IQSEC1: variants seen among roughly 807,000 people sequenced by gnomAD.
The protein encoded by IQSEC1 is IQ motif and Sec7 domain ArfGEF 1, also known as IQ motif and SEC7 domain-containing protein 1.
Under a neutral mutation model 91.0 loss-of-function variants are expected in IQSEC1, and 31 were observed. The observed-to-expected ratio is 0.34, with a 90% CI of 0.26 to 0.46. The LOEUF (loss-of-function observed/expected upper bound fraction) is 0.46, where lower values mean the gene tolerates loss of function less well. IQSEC1 is among the 20% of genes least tolerant of loss of function. IQSEC1 has a pLI of 1.00. For synonymous variants in IQSEC1, 699 were observed against 662.6 expected, an observed-to-expected ratio of 1.05 and a Z score of -0.84; for missense variants, 1,388 against 1,575.6, an observed-to-expected ratio of 0.88 and a Z score of 2.02.
chr3:12,908,000 C>G (rs529944024), intron 12 of IQSEC1, among the ~76,000 whole-genome samples: 2 of 152,316 alleles, frequency 1.3e-5, no homozygotes, highest in South Asian at 4.1e-4. Context: ...CGCGGCCGCA[C>G]AGAGAGCACG....
At chr3:12,956,251 T>C (rs1434753386) in intron 1 of IQSEC1, among the ~76,000 whole-genome samples, 1 of 152,158 alleles carries the variant, frequency 6.6e-6, no homozygotes, top group Non-Finnish European at 1.5e-5. Context: ...TGTTTGCCTA[T>C]GATGCTTACA....
At chr3:13,038,631 G>A (rs1049474382) in intron 1 of IQSEC1, among the ~76,000 whole-genome samples, 10 of 151,966 alleles carry the variant, frequency 6.6e-5, no homozygotes, top group Admixed American at 2.6e-4. Context: ...TGATTTGTAC[G>A]TCTTAAAAAT....
At chr3:13,267,808 G>A (rs559558198) in intron 1 of IQSEC1, among the ~76,000 whole-genome samples, 10 of 151,974 alleles carry the variant, frequency 6.6e-5, no homozygotes, top group Admixed American at 1.3e-4. Flanking sequence ...TAGTAGAGAC[G>A]GGGTTTCACC....
intron 2 of IQSEC1, among the ~76,000 whole-genome samples, chr3:13,097,471 C>T (rs58003267): frequency 0.02 from 3,080 of 152,286 alleles, 111 homozygotes; most frequent in African/African-American, 0.07. Context: ...CCTGGCCATG[C>T]TCCTGTGTTG....
Position 12,953,155 on chromosome 3 carries a change from G to C in IQSEC1, c.24-11290C>G, listed in dbSNP as rs78328545. Among the ~76,000 whole-genome samples the C allele has an allele frequency of 7.7e-4, 117 of 152,332 alleles. 1 individual carries two copies. The highest frequency in any genetic ancestry group is 1.5e-3 in the Non-Finnish European group (102 of 68,018). On this transcript the variant is annotated intron_variant, in intron 1 of 13. Transcript: ENST00000613206. Reference sequence around the variant, plus strand: ...ACTGAGCAAGCCAGGGGGAAACAGAGAATGTCTCCCACCCTGTGCCTGGCT... The same window carrying C: ...ACTGAGCAAGCCAGGGGGAAACAGACAATGTCTCCCACCCTGTGCCTGGCT...
At chr3:13,058,195 C>T (rs577534075) in intron 1 of IQSEC1, among the ~76,000 whole-genome samples, 14 of 152,332 alleles carry the variant, frequency 9.2e-5, no homozygotes, top group Non-Finnish European at 2.1e-4. Context: ...ATTGCTTGAA[C>T]CTGGTGGGCG....
At chr3:13,132,814 A>C (rs1219557862) in intron 2 of IQSEC1, among the ~76,000 whole-genome samples, 2 of 152,302 alleles carry the variant, frequency 1.3e-5, no homozygotes, top group East Asian at 3.9e-4. Context: ...TTTCACCAGG[A>C]AACTTTAGGA....
intron 1 of IQSEC1, among the ~76,000 whole-genome samples, chr3:13,263,077 G>A (rs1695416361): frequency 6.6e-6 from 1 of 152,142 alleles, no homozygotes; most frequent in South Asian, 2.1e-4. Context: ...GTGAAACCTT[G>A]TCTCTACTAA....
intron 1 of IQSEC1, among the ~76,000 whole-genome samples, chr3:13,180,609 C>T (rs1389755379): frequency 6.6e-6 from 1 of 152,000 alleles, no homozygotes. Context: ...TTCTTTCGCT[C>T]TTTGCAATAA....
chr3:13,204,437 T>C (rs1559276932), intron 1 of IQSEC1, among the ~76,000 whole-genome samples: 1 of 152,148 alleles, frequency 6.6e-6, no homozygotes, highest in Non-Finnish European at 1.5e-5. Context: ...CTGTCGCACT[T>C]CCCCCTCCCA....
chr3:13,062,676 A>T (rs1705107024), intron 1 of IQSEC1, among the ~76,000 whole-genome samples: 1 of 152,118 alleles, frequency 6.6e-6, no homozygotes, highest in Non-Finnish European at 1.5e-5. Flanking sequence ...GGTTGGAGAG[A>T]CTTGAGGGCA....
At chr3:13,186,064 C>A (rs1338847374) in intron 1 of IQSEC1, among the ~76,000 whole-genome samples, 1 of 152,220 alleles carries the variant, frequency 6.6e-6, no homozygotes, top group Non-Finnish European at 1.5e-5. Context: ...AGGTGGTCAG[C>A]AAGTCTGCTT....
chr3:13,217,225 T>C, intron 1 of IQSEC1, among the ~76,000 whole-genome samples: 1 of 152,266 alleles, frequency 6.6e-6, no homozygotes, highest in East Asian at 1.9e-4. Context: ...TTTACAATGT[T>C]TTCTTCTCCC....
At chr3:13,121,697 G>C (rs1164736185) in intron 2 of IQSEC1, among the ~76,000 whole-genome samples, 3 of 152,236 alleles carry the variant, frequency 2.0e-5, no homozygotes, top group Admixed American at 6.5e-5. Flanking sequence ...CACTGACTGT[G>C]AGGTGCAAAA....
At position 13,038,258 on chromosome 3, in the gene IQSEC1, GTGTGTATATATATATA is replaced by G. The variant is rs1439352791; in HGVS notation, c.23+34718_23+34733del. 7.0e-3 allele frequency among the ~76,000 whole-genome samples: 362 copies of G among 51,384 alleles called. 3 individuals are homozygous for G. The highest frequency in any genetic ancestry group is 0.024 in the African/African-American group (354 of 14,582). 33.7% of individuals were successfully genotyped at this position (51,384 alleles called of 152,430 possible). On this transcript the variant is annotated intron_variant, in intron 1 of 13. Transcript: ENST00000613206. ...TATACAAGTATATATATGTGTGTGT[GTGTGTATATATATATA>G]TATATATATATATATATATATATAA...
At chr3:13,021,891 C>T in intron 1 of IQSEC1, 1 of 467,598 alleles carries the variant, frequency 2.1e-6, no homozygotes, top group Non-Finnish European at 3.4e-6. Context: ...TTGTTCCACT[C>T]TCCTCCTCCC....
intron 1 of IQSEC1, among the ~76,000 whole-genome samples, chr3:13,224,189 G>A (rs1230193339): frequency 1.3e-4 from 20 of 152,116 alleles, no homozygotes; most frequent in Admixed American, 8.5e-4. Context: ...CGTTAGAGCC[G>A]ACATCGACCT....
rs1475338413 is a variant in IQSEC1 at position 13,073,293 on chromosome 3, T to C, written c.-279A>G. Among the ~76,000 whole-genome samples, 1 of 152,110 alleles carries C rather than the reference T, an allele frequency of 6.6e-6. No homozygotes were observed. Among genetic ancestry groups the C allele is most frequent in the Non-Finnish European group, 1.5e-5 (1 of 68,008 alleles). On this transcript the variant is annotated 5_prime_UTR_variant, in exon 1 of 14. Coordinates refer to ENST00000613206, the MANE Select transcript of IQSEC1 (RefSeq NM_001134382.3). Reference sequence around the variant, plus strand: ...CGTCGAGTAACCGTGGTCGCCAGGCTGGGCGGGGGCGTCCACCTCGCTGCT... The same window carrying C: ...CGTCGAGTAACCGTGGTCGCCAGGCCGGGCGGGGGCGTCCACCTCGCTGCT...
At chr3:13,114,192 G>A (rs539654147) in intron 2 of IQSEC1, among the ~76,000 whole-genome samples, 5 of 152,166 alleles carry the variant, frequency 3.3e-5, no homozygotes, top group Non-Finnish European at 5.9e-5. Flanking sequence ...GAGAACCCAC[G>A]CATGTGCTGC....
Sources: allele counts gnomAD v4.1 joint callset (sites outside exome capture counted in the v4.1 genomes callset), GRCh38; gene constraint gnomAD v4.1.1; transcripts MANE v1.5; gene names NCBI Gene and HGNC (gene_info 2026-07-23, HGNC 2026-07-21).